The following NHSL2 variants were observed in gnomAD, a reference collection of about 807,000 sequenced individuals.
NHSL2 encodes NHS-like protein 2.
In NHSL2, 27 loss-of-function variants were observed where a neutral mutation model predicts 53.4. That is an observed-to-expected ratio of 0.51 (90% CI 0.37 to 0.70). The LOEUF (loss-of-function observed/expected upper bound fraction) is 0.70. Among genes scored for constraint, NHSL2 ranks in the 30% least tolerant of loss-of-function variants. The probability of loss-of-function intolerance (pLI) is 0.00; values close to 1 mark genes in which losing one functional copy is unlikely to be tolerated. For missense variants in NHSL2, 892 were observed against 980.1 expected (o/e 0.91, Z 1.20); for synonymous variants, 408 against 404.1 (o/e 1.01, Z -0.12).
intron 1 of NHSL2, among the ~76,000 whole-genome samples, chrX:71,951,150 T>C (rs2041819570): frequency 9.0e-6 from 1 of 111,271 alleles, no homozygotes; most frequent in Admixed American, 9.5e-5. Context: ...TATTTGCAAA[T>C]TGACAATCTC....
chrX:71,916,720 G>A (rs1006402041), intron 1 of NHSL2, among the ~76,000 whole-genome samples: 4 of 112,046 alleles, frequency 3.6e-5, no homozygotes, highest in African/African-American at 6.5e-5. Context: ...ATGGAATTTG[G>A]ACTTTTAGAA....
At chrX:72,042,667 A>G (rs1489943361) in intron 1 of NHSL2, among the ~76,000 whole-genome samples, 1 of 108,279 alleles carries the variant, frequency 9.2e-6, no homozygotes, top group Non-Finnish European at 1.9e-5. Context: ...CAGTAATGGG[A>G]GGAGCTTGAG....
intron 1 of NHSL2, among the ~76,000 whole-genome samples, chrX:71,931,032 C>A (rs1399977340): frequency 8.9e-6 from 1 of 112,124 alleles, no homozygotes; most frequent in Admixed American, 9.4e-5. Context: ...TACAAGGGTT[C>A]CAATTTCTCT....
intron 1 of NHSL2, chrX:72,130,484 G>A (rs369686441): frequency 1.4e-5 from 17 of 1,208,107 alleles, no homozygotes; most frequent in Middle Eastern, 2.3e-4. Context: ...CTGTGCCTGC[G>A]TGCCTCTTGG....
chrX:72,105,354 G>A (rs1162483040), intron 1 of NHSL2, among the ~76,000 whole-genome samples: 1 of 111,114 alleles, frequency 9.0e-6, no homozygotes, highest in African/African-American at 3.3e-5. Context: ...CACCCTGCAG[G>A]CCTCTGGGCA....
chrX:72,031,295 T>C (rs776708212), intron 1 of NHSL2, among the ~76,000 whole-genome samples: 24 of 111,420 alleles, frequency 2.2e-4, no homozygotes, highest in African/African-American at 7.8e-4. Context: ...TACACACCTG[T>C]TTTGGATCCT....
chrX:72,020,640 C>A (rs1358135697), intron 1 of NHSL2, among the ~76,000 whole-genome samples: 1 of 112,353 alleles, frequency 8.9e-6, no homozygotes, highest in Admixed American at 9.4e-5. Flanking sequence ...GATTTACTGC[C>A]CCACCTGTCT....
chrX:72,131,666 G>T, intron 1 of NHSL2: 2 of 612,501 alleles, frequency 3.3e-6, no homozygotes, highest in Non-Finnish European at 4.7e-6. Flanking sequence ...AGCGGGGCAC[G>T]GGCCAGGCCG....
chrX:71,989,867 T>C (rs1421615501), intron 1 of NHSL2, among the ~76,000 whole-genome samples: 1 of 112,458 alleles, frequency 8.9e-6, no homozygotes, highest in Non-Finnish European at 1.9e-5. Context: ...TCTCTCTACC[T>C]CGTGGCTCGG....
intron 1 of NHSL2, among the ~76,000 whole-genome samples, chrX:71,931,867 T>C (rs1360464575): frequency 8.8e-6 from 1 of 113,079 alleles, no homozygotes; most frequent in Non-Finnish European, 1.9e-5. Context: ...TTTTGGCTAT[T>C]CTGGGACCTT....
chrX:72,102,960 C>T (rs2042008044), intron 1 of NHSL2, among the ~76,000 whole-genome samples: 1 of 112,448 alleles, frequency 8.9e-6, no homozygotes, highest in Admixed American at 9.4e-5. Flanking sequence ...TTGGCACATT[C>T]TCTTGCCCCA....
chrX:72,116,965 T>C (rs987179742), intron 1 of NHSL2, among the ~76,000 whole-genome samples: 3 of 111,625 alleles, frequency 2.7e-5, no homozygotes, highest in African/African-American at 9.8e-5. Flanking sequence ...TCAGTAGGTT[T>C]TTATCTCCAT....
rs2042391146 is a variant in NHSL2 at position 72,139,402 on chromosome X, G to C, written c.1854G>C (p.Gln618His). Reference protein sequence around the residue: ...QGHHSSHPDAQGHPAIPNHKD... With the variant: ...QGHHSSHPDAHGHPAIPNHKD... Reference sequence around the variant, plus strand: ...ATCACTCGTCCCACCCAGATGCTCAGGGTCACCCAGCTATTCCAAACCACA... The same window carrying C: ...ATCACTCGTCCCACCCAGATGCTCACGGTCACCCAGCTATTCCAAACCACA... The change falls in exon 6 of 8, where the codon CAG (glutamine) becomes CAC (histidine). Residue 618 changes from glutamine (Q) to histidine (H), a missense_variant. Physicochemically the swap from Gln to His is conservative, Grantham distance 24. Transcript: ENST00000633930. 14 of 1,210,878 alleles carry C rather than the reference G, an allele frequency of 1.2e-5. No individual in the cohort carries two copies. The highest frequency in any genetic ancestry group is 2.3e-4 in the Middle Eastern group (1 of 4,353).
chrX:71,935,358 T>A (rs1020348418), intron 1 of NHSL2, among the ~76,000 whole-genome samples: 4 of 112,176 alleles, frequency 3.6e-5, no homozygotes, highest in Non-Finnish European at 1.9e-5. Context: ...ATCAGAGTGG[T>A]TTCCAGCCTA....
intron 1 of NHSL2, among the ~76,000 whole-genome samples, chrX:71,981,978 C>T (rs1170292448): frequency 9.0e-6 from 1 of 111,607 alleles, no homozygotes; most frequent in Non-Finnish European, 1.9e-5. Context: ...CTCTTAGGTA[C>T]ATACTCAAGA....
At chrX:71,941,421 G>C (rs1212816183) in intron 1 of NHSL2, among the ~76,000 whole-genome samples, 1 of 111,354 alleles carries the variant, frequency 9.0e-6, no homozygotes, top group Admixed American at 9.5e-5. Flanking sequence ...GGTTTTGTGA[G>C]TAAAACAAGC....
chrX:72,131,480 C>T, intron 1 of NHSL2: 1 of 1,206,341 alleles, frequency 8.3e-7, no homozygotes. Flanking sequence ...GCATTTAATT[C>T]TTCGCGCAGG....
chrX:72,113,110 T>TC (rs1343907222), intron 1 of NHSL2, among the ~76,000 whole-genome samples: 1 of 112,629 alleles, frequency 8.9e-6, no homozygotes, highest in Non-Finnish European at 1.9e-5. Flanking sequence ...CTTTTCATTT[T>TC]CTTGATGGTG....
chrX:72,070,206 C>T (rs1210348753), intron 1 of NHSL2, among the ~76,000 whole-genome samples: 1 of 105,628 alleles, frequency 9.5e-6, no homozygotes, highest in Non-Finnish European at 2.0e-5. Flanking sequence ...ACCTACACCT[C>T]TCCTGGCTCT....
Sources: allele counts gnomAD v4.1 joint callset (sites outside exome capture counted in the v4.1 genomes callset), GRCh38; gene constraint gnomAD v4.1.1; transcripts MANE v1.5; gene names NCBI Gene and HGNC (gene_info 2026-07-23, HGNC 2026-07-21).